EGFLAM: variants seen among roughly 807,000 people sequenced by gnomAD.
The protein encoded by EGFLAM is EGF like, fibronectin type III and laminin G domains.
EGFLAM carries 79 observed loss-of-function variants against 113.1 expected under a neutral mutation model. That is an observed-to-expected ratio of 0.70 (90% confidence interval 0.58 to 0.84). The LOEUF (loss-of-function observed/expected upper bound fraction) is 0.84. EGFLAM is among the 40% of genes least tolerant of loss of function. The pLI, the probability that EGFLAM is intolerant of heterozygous loss-of-function variation, is 0.00. For missense variants in EGFLAM, 1,265 were observed against 1,291.6 expected (o/e 0.98, Z 0.32); for synonymous variants, 504 against 487.6 (o/e 1.03, Z -0.44).
At chr5:38,453,827 A>G (rs1452880490) in intron 19 of EGFLAM, among the ~76,000 whole-genome samples, 1 of 152,042 alleles carries the variant, frequency 6.6e-6, no homozygotes, top group Middle Eastern at 3.2e-3. Flanking sequence ...AGCTGAATCT[A>G]TTCACCACCC....
Position 38,412,618 on chromosome 5 carries a change from C to A in EGFLAM, c.1464C>A (p.Asn488Lys), listed in dbSNP as rs1178776107. The A allele has an allele frequency of 1.2e-6, 2 of 1,614,110 alleles. No homozygotes were observed. The highest frequency in any genetic ancestry group is 1.7e-6 in the Non-Finnish European group (2 of 1,180,010). The change falls in exon 11 of 22, where the codon AAC becomes AAA. Residue 488 changes from asparagine (N) to lysine (K), a missense_variant. By Grantham distance (94) the Asn-to-Lys change is moderately conservative. Transcript: ENST00000322350. ...RDGLNGLLQLNNGTPVTGQSQ... is the reference protein window; with the variant it reads ...RDGLNGLLQLKNGTPVTGQSQ... ...GGCTGAACGGGCTGCTGCAGCTGAA[C>A]AATGGCACCCCAGTGACAGGCCAGT...
chr5:38,375,398 C>T (rs61321164), intron 6 of EGFLAM, among the ~76,000 whole-genome samples: 7 of 152,258 alleles, frequency 4.6e-5, no homozygotes, highest in African/African-American at 1.4e-4. Flanking sequence ...TGAATATTGG[C>T]TTGATTTAAT....
At position 38,464,151 on chromosome 5, in the gene EGFLAM, C is replaced by G; in HGVS notation, c.*165C>G. On this transcript the variant is annotated 3_prime_UTR_variant, in exon 22 of 22. Coordinates refer to ENST00000322350, the MANE Select transcript of EGFLAM (RefSeq NM_152403.4). ...GAAACTGAGAACCAAGACAGGCATC[C>G]CTGGGTGGCCTTTCCTGCTGACACT... 2.2e-6 allele frequency: 2 copies of G among 901,720 alleles called. No individual in the cohort carries two copies. The highest frequency in any genetic ancestry group is 2.9e-5 in the Admixed American group (1 of 34,424). The allele number at this position is 901,720 out of a possible 1,614,324, so 55.9% of individuals were successfully genotyped here. A position where few individuals can be genotyped will look rare whatever the true frequency, so the allele number is the denominator to read the frequency against.
intron 15 of EGFLAM, among the ~76,000 whole-genome samples, chr5:38,432,001 C>T (rs1742204475): frequency 6.6e-6 from 1 of 152,194 alleles, no homozygotes; most frequent in Admixed American, 6.5e-5. Flanking sequence ...AACTTTCCTC[C>T]ATGATTTTAA....
intron 6 of EGFLAM, among the ~76,000 whole-genome samples, chr5:38,398,110 G>T (rs947819316): frequency 6.6e-6 from 1 of 152,130 alleles, no homozygotes; most frequent in Non-Finnish European, 1.5e-5. Context: ...CTCTGGGTGT[G>T]GATTGTTTTC....
Position 38,451,460 on chromosome 5 carries a change from T to G in EGFLAM, c.2687+2T>G. 4 of 1,613,716 alleles carry G rather than the reference T, an allele frequency of 2.5e-6. No homozygotes were observed. Among genetic ancestry groups the G allele is most frequent in the Non-Finnish European group, 3.4e-6 (4 of 1,179,734 alleles). On this transcript the variant is annotated splice_donor_variant, in intron 19 of 21. Transcript: ENST00000322350. LOFTEE classifies it high-confidence loss of function. ...TCGGGATGGAGCCCTCGTGTTCAGG[T>G]AACCCCCTCTCCATCTGCCTTCAGC...
At chr5:38,377,848 G>A (rs571878182) in intron 6 of EGFLAM, among the ~76,000 whole-genome samples, 6 of 152,256 alleles carry the variant, frequency 3.9e-5, no homozygotes, top group Non-Finnish European at 7.4e-5. Context: ...GCTGATAGCG[G>A]GTTGGTGAAA....
intron 19 of EGFLAM, among the ~76,000 whole-genome samples, chr5:38,454,071 G>A (rs768821624): frequency 2.0e-5 from 3 of 152,172 alleles, no homozygotes; most frequent in South Asian, 2.1e-4. Flanking sequence ...GGCCGAGGTC[G>A]ACTTCTGTGC....
chr5:38,452,435 G>A (rs959229157), intron 19 of EGFLAM, among the ~76,000 whole-genome samples: 15 of 152,276 alleles, frequency 9.9e-5, no homozygotes, highest in South Asian at 2.1e-4. Context: ...GGAATTGACC[G>A]TCTAGCCCTG....
chr5:38,403,634 G>T, intron 6 of EGFLAM: 1 of 726,746 alleles, frequency 1.4e-6, no homozygotes. Flanking sequence ...GCAGGATGGA[G>T]CAGGGCAGTG....
chr5:38,390,279 T>C (rs1740776625), intron 6 of EGFLAM, among the ~76,000 whole-genome samples: 1 of 152,228 alleles, frequency 6.6e-6, no homozygotes, highest in South Asian at 2.1e-4. Flanking sequence ...ATGGCAAGTA[T>C]CCTTTTGCAA....
At chr5:38,418,327 G>A in intron 12 of EGFLAM, 72 bp downstream of exon 12, 1 of 1,538,986 alleles carries the variant, frequency 6.5e-7, no homozygotes. Flanking sequence ...TTCTGGCTTG[G>A]GCCATGGAGG....
At chr5:38,375,060 GTTTT>G (rs74821426) in intron 6 of EGFLAM, among the ~76,000 whole-genome samples, 3 of 107,740 alleles carry the variant, frequency 2.8e-5, no homozygotes, top group Non-Finnish European at 5.7e-5. Context: ...CTCTGTTGTT[GTTTT>G]TTTTTTTTTT....
chr5:38,383,489 A>G (rs1265073385), intron 6 of EGFLAM, among the ~76,000 whole-genome samples: 1 of 151,132 alleles, frequency 6.6e-6, no homozygotes, highest in Non-Finnish European at 1.5e-5. Context: ...CTAATTTCTG[A>G]CTCTACATTG....
intron 1 of EGFLAM, among the ~76,000 whole-genome samples, chr5:38,268,991 A>G (rs1470063080): frequency 6.6e-6 from 1 of 152,170 alleles, no homozygotes; most frequent in African/African-American, 2.4e-5. Flanking sequence ...AGCCTGGGCA[A>G]CATGGCGAAA....
At chr5:38,413,488 T>TA (rs375027390) in intron 11 of EGFLAM, among the ~76,000 whole-genome samples, 28 of 146,248 alleles carry the variant, frequency 1.9e-4, no homozygotes, top group East Asian at 4.0e-4. Context: ...AGGAAATGGT[T>TA]AAAAAAAAAA....
Position 38,258,668 on chromosome 5 carries a change from T to C in EGFLAM, c.-87T>C. The C allele has an allele frequency of 2.1e-6, 3 of 1,443,456 alleles. No homozygotes were observed. Among genetic ancestry groups the C allele is most frequent in the Non-Finnish European group, 2.9e-6 (3 of 1,049,518 alleles). 89.4% of individuals were successfully genotyped at this position (1,443,456 alleles called of 1,614,324 possible). On this transcript the variant is annotated 5_prime_UTR_variant, in exon 1 of 22. Transcript: ENST00000322350. ...TCCTCGCCCCGGCCCGGGGATCCGT[T>C]GGGGCCGCGTCCCCCACGCGCCCCC...
At chr5:38,359,231 C>T (rs979751928) in intron 5 of EGFLAM, among the ~76,000 whole-genome samples, 9 of 152,098 alleles carry the variant, frequency 5.9e-5, no homozygotes, top group Non-Finnish European at 8.8e-5. Flanking sequence ...TGCTGTCTAT[C>T]GAGTTGGATA....
At chr5:38,339,237 A>C (rs1410123385) in intron 3 of EGFLAM, among the ~76,000 whole-genome samples, 1 of 152,114 alleles carries the variant, frequency 6.6e-6, no homozygotes, top group East Asian at 1.9e-4. Context: ...TTTTTTTTCA[A>C]GCCCAGTGCC....
Sources: gnomAD v4.1 joint callset for allele counts (sites outside exome capture counted in the v4.1 genomes callset) on GRCh38, gnomAD v4.1.1 for gene constraint, MANE v1.5 for transcripts, NCBI Gene and HGNC (gene_info 2026-07-23, HGNC 2026-07-21) for gene names.